ZYG11B: variants seen among roughly 807,000 people sequenced by gnomAD.
ZYG11B encodes zyg-11 family member B, cell cycle regulator, also known as protein zyg-11 homolog B.
Under a neutral mutation model 82.4 loss-of-function variants are expected in ZYG11B, and 36 were observed. The observed-to-expected ratio is 0.44, with a 90% CI of 0.33 to 0.58. The LOEUF (loss-of-function observed/expected upper bound fraction) is 0.58. Ranked by LOEUF, ZYG11B falls within the 20% of genes least tolerant of loss-of-function variation. ZYG11B has a pLI of 0.02. For missense variants in ZYG11B, 552 were observed against 895.6 expected (o/e 0.62, Z 4.90); for synonymous variants, 303 against 312.8 (o/e 0.97, Z 0.33).
intron 1 of ZYG11B, among the ~76,000 whole-genome samples, chr1:52,745,599 C>G (rs1644469121): frequency 6.6e-6 from 1 of 152,110 alleles, no homozygotes; most frequent in Non-Finnish European, 1.5e-5. Context: ...GAGTCTCACT[C>G]TGTTGCCCAG....
intron 3 of ZYG11B, among the ~76,000 whole-genome samples, chr1:52,773,335 A>G (rs930321321): frequency 4.6e-5 from 7 of 151,414 alleles, no homozygotes; most frequent in Non-Finnish European, 8.8e-5. Context: ...TTAGCCAGCC[A>G]TGGTGGCATG....
intron 1 of ZYG11B, among the ~76,000 whole-genome samples, chr1:52,748,370 T>C (rs1644493217): frequency 6.9e-6 from 1 of 145,126 alleles, no homozygotes; most frequent in Admixed American, 6.7e-5. Flanking sequence ...CTCAGTTTAC[T>C]TTTGTTCAAA....
At chr1:52,753,053 G>T (rs115374071) in intron 1 of ZYG11B, among the ~76,000 whole-genome samples, 5,917 of 152,074 alleles carry the variant, frequency 0.039, 349 homozygotes, top group African/African-American at 0.13. Context: ...TCACCAAGTT[G>T]GTTAGGCTGG....
chr1:52,771,802 TCAGGCTG>T lies in ZYG11B; in HGVS notation c.951+29_951+35del, dbSNP rs769448429. ...TAGACTTTAAAAATGTATTATTTTG[TCAGGCTG>T]ACCAATATCTTAGTTGCATAAGACT... On this transcript the variant is annotated intron_variant, in intron 3 of 13. Coordinates refer to ENST00000294353, the MANE Select transcript of ZYG11B (RefSeq NM_024646.3). This position sits in a 1 kb window ranked among gnomAD's most constrained non-coding sequence, Gnocchi z 5.4. 1.3e-6 allele frequency: 2 copies of T among 1,581,012 alleles called. No homozygotes were observed. The highest frequency in any genetic ancestry group is 3.6e-5 in the Admixed American group (2 of 55,182).
intron 10 of ZYG11B, among the ~76,000 whole-genome samples, chr1:52,803,163 TATATAC>T (rs1312131920): frequency 1.4e-5 from 1 of 73,200 alleles, no homozygotes; most frequent in East Asian, 9.0e-4. Flanking sequence ...TACACATATA[TATATAC>T]ACACATATAT....
In ZYG11B at chr1:52,729,816, C is replaced by CT. The variant is rs1019983074; in HGVS notation, c.30+3143dup. Among the ~76,000 whole-genome samples the CT allele has an allele frequency of 2.9e-3, 433 of 149,082 alleles. 3 individuals are homozygous for CT. The highest frequency in any genetic ancestry group is 9.4e-3 in the African/African-American group (385 of 40,806). On this transcript the variant is annotated intron_variant, in intron 1 of 13. Transcript: ENST00000294353. ...GGGCAGGGCCTGAGAGGTGGCAGTT[C>CT]TTTTTTTTTTGAGGCAGGGTCTTGC...
At position 52,727,046 on chromosome 1, in the gene ZYG11B, C is replaced by CT. The variant is rs534914499; in HGVS notation, c.30+366dup. ...CTTTTTTCCTCTTATGTGATTTTTA[C>CT]TTTCCCCCCTTTCCTCCCTAGTTTT... On this transcript the variant is annotated intron_variant, in intron 1 of 13. Coordinates refer to ENST00000294353, the MANE Select transcript of ZYG11B (RefSeq NM_024646.3). Among the ~76,000 whole-genome samples the CT allele has an allele frequency of 1.9e-3, 282 of 151,890 alleles. 1 individual carries two copies. The highest frequency in any genetic ancestry group is 3.1e-3 in the Non-Finnish European group (209 of 67,972).
rs1201761875 is a variant in ZYG11B at position 52,821,833 on chromosome 1, T to G, written c.*204T>G. The G allele has an allele frequency of 2.4e-6, 1 of 423,284 alleles. No homozygotes were observed. The highest frequency in any genetic ancestry group is 4.1e-6 in the Non-Finnish European group (1 of 242,314). The allele number at this position is 423,284 out of a possible 1,614,324, so 26.2% of individuals were successfully genotyped here. The stretch of plus-strand genomic sequence containing the variant: ...AAACTTATGAGTCAAGAAGGGTCTC[T>G]TCCTTTATCATTGCCTTTTAGGAAA... On this transcript the variant is annotated 3_prime_UTR_variant, in exon 14 of 14. Transcript: ENST00000294353.
rs773293866 is a variant in ZYG11B at position 52,813,919 on chromosome 1, A to G, written c.1946+7A>G. On this transcript the variant is annotated splice_region_variant and intron_variant, in intron 12 of 13. Coordinates refer to ENST00000294353, the MANE Select transcript of ZYG11B (RefSeq NM_024646.3). ...GTGAGATGGTAGCATACAGGTAATT[A>G]GTATCATAATTAACAGTAAACCAGC... 1 of 1,613,774 alleles carries G rather than the reference A, an allele frequency of 6.2e-7. No homozygotes were observed.
At chr1:52,774,071 A>G (rs958633656) in intron 3 of ZYG11B, among the ~76,000 whole-genome samples, 2 of 152,080 alleles carry the variant, frequency 1.3e-5, no homozygotes, top group Admixed American at 1.3e-4. Flanking sequence ...CCCAGGCATC[A>G]GTATTTTTTA....
At chr1:52,794,141 A>AT (rs1644987082) in intron 6 of ZYG11B, among the ~76,000 whole-genome samples, 1 of 151,692 alleles carries the variant, frequency 6.6e-6, no homozygotes, top group Non-Finnish European at 1.5e-5. Flanking sequence ...CACCCAGCTA[A>AT]TTTTTTGTAT....
intron 12 of ZYG11B, among the ~76,000 whole-genome samples, chr1:52,814,522 A>T (rs1645208031): frequency 6.6e-6 from 1 of 152,218 alleles, no homozygotes; most frequent in Non-Finnish European, 1.5e-5. Context: ...TGTGGATCAG[A>T]TAAAATACCG....
chr1:52,794,051 T>G (rs1035209231), intron 6 of ZYG11B, among the ~76,000 whole-genome samples: 1 of 152,154 alleles, frequency 6.6e-6, no homozygotes, highest in African/African-American at 2.4e-5. Flanking sequence ...CTCAGCTCAC[T>G]GCAGCCTCTG....
chr1:52,817,765 GTATATATATGTGTATATATATA>G (rs1427781536), intron 13 of ZYG11B, among the ~76,000 whole-genome samples: 1 of 60,054 alleles, frequency 1.7e-5, no homozygotes, highest in African/African-American at 9.1e-5. Flanking sequence ...AGTAAAGTGT[GTATATATATGTGTATATATATA>G]TATATATATA....
At chr1:52,735,138 C>T (rs1254083432) in intron 1 of ZYG11B, among the ~76,000 whole-genome samples, 2 of 149,582 alleles carry the variant, frequency 1.3e-5, no homozygotes, top group Admixed American at 1.3e-4. Context: ...TCAAGCGGTT[C>T]TCCTGCCTTA....
intron 8 of ZYG11B, among the ~76,000 whole-genome samples, chr1:52,797,255 T>TATATTTATATTATATATAAA (rs1258927238): frequency 7.8e-4 from 66 of 84,470 alleles, no homozygotes; most frequent in Non-Finnish European, 1.2e-3. Context: ...ATATATAATA[T>TATATTTATATTATATATAAA]ATATTTATAT....
At chr1:52,736,434 A>G (rs2149918915) in intron 1 of ZYG11B, among the ~76,000 whole-genome samples, 1 of 151,824 alleles carries the variant, frequency 6.6e-6, no homozygotes, top group Admixed American at 6.6e-5. Flanking sequence ...TACCATGCCC[A>G]GCTAATTTTT....
At chr1:52,767,005 T>TGA (rs1644695843) in intron 2 of ZYG11B, among the ~76,000 whole-genome samples, 1 of 91,936 alleles carries the variant, frequency 1.1e-5, no homozygotes, top group Non-Finnish European at 2.2e-5. Flanking sequence ...AGACTCCGTC[T>TGA]CAAAAAAAAA....
At chr1:52,776,244 A>ATATATATG (rs1230417149) in intron 3 of ZYG11B, among the ~76,000 whole-genome samples, 1 of 99,822 alleles carries the variant, frequency 1.0e-5, no homozygotes, top group Admixed American at 1.1e-4. Context: ...ATATATATAT[A>ATATATATG]TGCAATAAAG....
Sources: allele counts gnomAD v4.1 joint callset (sites outside exome capture counted in the v4.1 genomes callset), GRCh38; gene constraint gnomAD v4.1.1; non-coding constraint Gnocchi (gnomAD v3.1); transcripts MANE v1.5; gene names NCBI Gene and HGNC (gene_info 2026-07-23, HGNC 2026-07-21).